LASP1: variants seen among roughly 807,000 people sequenced by gnomAD.
The protein encoded by LASP1 is LIM and SH3 protein 1, also known as LIM and SH3 domain protein 1.
In LASP1, 10 loss-of-function variants were observed where a neutral mutation model predicts 38.6. The ratio of observed to expected loss-of-function variants is 0.26; its 90% CI spans 0.16 to 0.44. The LOEUF (loss-of-function observed/expected upper bound fraction) is 0.44. Ranked by LOEUF, LASP1 falls within the 20% of genes least tolerant of loss-of-function variation. The pLI, the probability that LASP1 is intolerant of heterozygous loss-of-function variation, is 1.00. For synonymous variants in LASP1, 132 were observed against 140.8 expected (o/e 0.94, Z 0.44); for missense variants, 243 against 375.7 (o/e 0.65, Z 2.92).
chr17:38,870,361 C>T, intron 1 of LASP1, 103 bp downstream of exon 1: 2 of 1,321,236 alleles, frequency 1.5e-6, no homozygotes, highest in Admixed American at 2.0e-5. Context: ...CCCGCGATCC[C>T]AGGAGAATGG....
At chr17:38,892,783 C>T (rs756628149) in intron 3 of LASP1, among the ~76,000 whole-genome samples, 33 of 152,208 alleles carry the variant, frequency 2.2e-4, no homozygotes, top group Non-Finnish European at 4.3e-4. Context: ...TGCTTCTGCC[C>T]CCCACAGGGG....
At chr17:38,902,174 A>G (rs1914658882) in intron 4 of LASP1, among the ~76,000 whole-genome samples, 1 of 151,586 alleles carries the variant, frequency 6.6e-6, no homozygotes, top group Non-Finnish European at 1.5e-5. Flanking sequence ...CCATTCTCCC[A>G]CCTCAGACTC....
intron 4 of LASP1, among the ~76,000 whole-genome samples, chr17:38,904,123 G>A (rs1281627208): frequency 6.6e-6 from 1 of 152,108 alleles, no homozygotes; most frequent in Non-Finnish European, 1.5e-5. Context: ...GTTTCACCAG[G>A]CAGGTATACC....
intron 4 of LASP1, 127 bp downstream of exon 4, chr17:38,898,646 G>T (rs778846955): frequency 2.4e-5 from 18 of 738,372 alleles, no homozygotes; most frequent in Non-Finnish European, 4.3e-5. Context: ...TGCCCTCCAG[G>T]GTGGGCCTGG....
rs200216368 is a variant in LASP1 at position 38,913,638 on chromosome 17, G to A, written c.358-687G>A. Among the ~76,000 whole-genome samples, 10 of 152,070 alleles carry A rather than the reference G, an allele frequency of 6.6e-5. No individual in the cohort carries two copies. The East Asian group carries it at 1.9e-3, about 29-fold the overall frequency. On this transcript the variant is annotated intron_variant, in intron 4 of 6. Coordinates refer to ENST00000318008, the MANE Select transcript of LASP1 (RefSeq NM_006148.4). ...CTGGCGCAGTAAGAGCTCAGGAAAC[G>A]GGCTGCTGCTGTGGTTACTGTGGAC...
intron 2 of LASP1, among the ~76,000 whole-genome samples, chr17:38,883,068 T>C (rs1237191126): frequency 6.6e-6 from 1 of 152,108 alleles, no homozygotes; most frequent in Non-Finnish European, 1.5e-5. Flanking sequence ...TGTCTCTGGA[T>C]TCTAGCAAAC....
chr17:38,907,049 GTT>G (rs1286319261), intron 4 of LASP1, among the ~76,000 whole-genome samples: 5 of 152,218 alleles, frequency 3.3e-5, no homozygotes, highest in Admixed American at 2.0e-4. Context: ...GCTGGGAAAT[GTT>G]TCCTTGCCTT....
chr17:38,898,469 G>T lies in LASP1; in HGVS notation c.307G>T (p.Asp103Tyr). 3 of 1,551,656 alleles carry T rather than the reference G, an allele frequency of 1.9e-6. No homozygotes were observed. The highest frequency in any genetic ancestry group is 2.6e-6 in the Non-Finnish European group (3 of 1,146,930). The change falls in exon 4 of 7, where the codon GAC becomes TAC. Residue 103 changes from aspartate (D) to tyrosine (Y), a missense_variant. By Grantham distance (160) the Asp-to-Tyr change is radical. This residue lies in a region of LASP1 where 33 missense variants were observed against 39.8 expected (regional missense o/e 0.83). Transcript: ENST00000318008. ...NKGKGFSVVA[D>Y]TPELQRIKKT... ...GGGCAAAGGTTTCAGCGTAGTGGCA[G>T]ACACGCCCGAGCTCCAGAGAATCAA...
At chr17:38,886,598 TG>T (rs1328094470) in intron 2 of LASP1, among the ~76,000 whole-genome samples, 4 of 151,894 alleles carry the variant, frequency 2.6e-5, no homozygotes, top group Non-Finnish European at 5.9e-5. Context: ...CTGAAGAGGA[TG>T]AAGTACCTGC....
In LASP1 at chr17:38,914,471, C is replaced by G. The variant is rs1915051791; in HGVS notation, c.504C>G (p.Ala168=). The G allele has an allele frequency of 6.2e-7, 1 of 1,603,218 alleles. No homozygotes were observed. Among genetic ancestry groups the G allele is most frequent in the Non-Finnish European group, 8.5e-7 (1 of 1,175,316 alleles). Residue 168 remains alanine, a synonymous_variant, in exon 5 of 7, where the codon GCC becomes GCG. Transcript: ENST00000318008. The part of the protein sequence containing the change: ...QQQPHHIPTS[A]PVYQQPQQQP... ...AGCCTCACCACATCCCGACCAGTGC[C>G]CCGGGTGAGTGCAGGTCCTGTTGGT...
intron 2 of LASP1, among the ~76,000 whole-genome samples, chr17:38,884,553 A>C (rs1180797842): frequency 6.6e-6 from 1 of 151,362 alleles, no homozygotes; most frequent in Non-Finnish European, 1.5e-5. Context: ...ATGCCTGGCT[A>C]ATTTTTTTGT....
Position 38,918,906 on chromosome 17 carries a change from C to T in LASP1, c.*128C>T. 9.2e-7 allele frequency: 1 copy of T among 1,090,338 alleles called. No homozygotes were observed. Among genetic ancestry groups the T allele is most frequent in the Non-Finnish European group, 1.3e-6 (1 of 771,864 alleles). The allele number at this position is 1,090,338 out of a possible 1,614,324, so 67.5% of individuals were successfully genotyped here. ...ACAGCTTGTGATTCCTACCCCTCTTCCAGCTTCTTTTGCCAACTGAAGCCT... is the reference window on the plus strand; with the variant it reads ...ACAGCTTGTGATTCCTACCCCTCTTTCAGCTTCTTTTGCCAACTGAAGCCT... On this transcript the variant is annotated 3_prime_UTR_variant, in exon 7 of 7. Coordinates refer to ENST00000318008, the MANE Select transcript of LASP1 (RefSeq NM_006148.4). The surrounding 1 kb of genome is among the most constrained non-coding windows in gnomAD (Gnocchi z 4.4).
At chr17:38,873,644 G>T (rs1350738178) in intron 1 of LASP1, among the ~76,000 whole-genome samples, 1 of 152,208 alleles carries the variant, frequency 6.6e-6, no homozygotes, top group African/African-American at 2.4e-5. Context: ...TTGTATGGGG[G>T]CGTGGGGCCA....
intron 4 of LASP1, among the ~76,000 whole-genome samples, chr17:38,903,208 G>GT (rs1914691629): frequency 6.6e-6 from 1 of 152,122 alleles, no homozygotes; most frequent in Non-Finnish European, 1.5e-5. Context: ...GGAAGAGATG[G>GT]TAAGGGCCCA....
At chr17:38,881,081 AC>A (rs1189847031) in intron 2 of LASP1, among the ~76,000 whole-genome samples, 29 of 152,146 alleles carry the variant, frequency 1.9e-4, no homozygotes, top group South Asian at 2.1e-4. Context: ...AGTCTGAGCG[AC>A]AGAGCGAGAC....
chr17:38,918,874 A>G lies in LASP1; in HGVS notation c.*96A>G. The G allele has an allele frequency of 2.2e-6, 3 of 1,366,710 alleles. No individual in the cohort carries two copies. Among genetic ancestry groups the G allele is most frequent in the Non-Finnish European group, 3.0e-6 (3 of 996,662 alleles). 84.7% of individuals were successfully genotyped at this position (1,366,710 alleles called of 1,614,324 possible). A position where few individuals can be genotyped will look rare whatever the true frequency, so the allele number is the denominator to read the frequency against. ...TTCTTCAGTGTCTCTGTTTTTTAAA[A>G]CCTGCGACAGCTTGTGATTCCTACC... On this transcript the variant is annotated 3_prime_UTR_variant, in exon 7 of 7. Coordinates refer to ENST00000318008, the MANE Select transcript of LASP1 (RefSeq NM_006148.4). The surrounding 1 kb of genome is among the most constrained non-coding windows in gnomAD (Gnocchi z 4.4).
intron 3 of LASP1, 21 bp from the exon 4 acceptor site, chr17:38,898,391 C>T: frequency 6.5e-7 from 1 of 1,528,414 alleles, no homozygotes; most frequent in Non-Finnish European, 8.9e-7. Context: ...GACTCCAATC[C>T]CTCTTCCTCC....
intron 2 of LASP1, among the ~76,000 whole-genome samples, chr17:38,887,647 G>A (rs1325690220): frequency 1.3e-5 from 2 of 152,180 alleles, no homozygotes; most frequent in African/African-American, 2.4e-5. Flanking sequence ...GCTGGGGGAC[G>A]GGCACCGCTA....
chr17:38,880,198 A>G, intron 2 of LASP1, among the ~76,000 whole-genome samples: 1 of 152,236 alleles, frequency 6.6e-6, no homozygotes, highest in East Asian at 1.9e-4. Flanking sequence ...CCCAGCACGC[A>G]GAAGTCTGAC....
Sources: allele counts gnomAD v4.1 joint callset (sites outside exome capture counted in the v4.1 genomes callset), GRCh38; gene constraint gnomAD v4.1.1; regional missense constraint gnomAD v4.1.1; non-coding constraint Gnocchi (gnomAD v3.1); transcripts MANE v1.5; gene names NCBI Gene and HGNC (gene_info 2026-07-23, HGNC 2026-07-21).